Variants in IST1 observed in about 807,000 individuals in gnomAD.
IST1 encodes the protein IST1 homolog.
A neutral mutation model predicts 37.0 loss-of-function variants in IST1; 23 were observed. The observed-to-expected ratio is 0.62, with a 90% CI of 0.45 to 0.88. The LOEUF is 0.88. IST1 is among the 40% of genes least tolerant of loss of function. The pLI, the probability that IST1 is intolerant of heterozygous loss-of-function variation, is 0.00. For synonymous variants in IST1, 180 were observed against 161.7 expected (o/e 1.11, Z -0.86); for missense variants, 488 against 445.4 (o/e 1.10, Z -0.86).
In IST1 at chr16:71,922,619, C is replaced by G. The variant is rs774343604; in HGVS notation, c.698C>G (p.Pro233Arg). 1.1e-5 allele frequency: 18 copies of G among 1,612,440 alleles called. No homozygotes were observed. Among genetic ancestry groups the G allele is most frequent in the East Asian group, 4.5e-5 (2 of 44,858 alleles). The stretch of plus-strand genomic sequence containing the variant: ...GATGGAACGGTGCCAATGCCCATGC[C>G]CATGCCCATGCCTATGCCATCTGCA... ...GPDGTVPMPM[P>R]MPMPMPSANT... The change falls in exon 7 of 10, where the codon CCC becomes CGC. Residue 233 changes from proline (P) to arginine (R), a missense_variant. Pro to Arg is a moderately radical substitution (Grantham distance 103, BLOSUM62 -2). Transcript: ENST00000378799.
At chr16:71,917,315 T>G (rs1369348161) in intron 4 of IST1, among the ~76,000 whole-genome samples, 181 bp downstream of exon 4, 3 of 151,178 alleles carry the variant, frequency 2.0e-5, no homozygotes, top group African/African-American at 7.3e-5. Flanking sequence ...GAACAGTGTT[T>G]TGCAAACTTG....
At chr16:71,908,978 C>T (rs2037290422) in intron 1 of IST1, among the ~76,000 whole-genome samples, 1 of 152,076 alleles carries the variant, frequency 6.6e-6, no homozygotes. Context: ...ACCTAGAACC[C>T]TGTTCCTTAC....
At chr16:71,911,358 T>TA (rs61090211) in intron 1 of IST1, among the ~76,000 whole-genome samples, 119,062 of 151,582 alleles carry the variant, frequency 0.79, 47,044 homozygotes, top group East Asian at 0.97. Context: ...TACCTTTTTT[T>TA]AAAAAAAACT....
chr16:71,916,325 A>G, intron 2 of IST1, 137 bp from the exon 3 acceptor site: 1 of 750,016 alleles, frequency 1.3e-6, no homozygotes, highest in East Asian at 2.7e-5. Flanking sequence ...AGTAGAGGGG[A>G]TGGGATTAGA....
At chr16:71,922,448 G>T in intron 6 of IST1, 26 bp from the exon 7 acceptor site, 3 of 1,601,960 alleles carry the variant, frequency 1.9e-6, no homozygotes, top group South Asian at 1.1e-5. Flanking sequence ...ATGGGTTAAT[G>T]ACCTGGGTTT....
intron 1 of IST1, among the ~76,000 whole-genome samples, chr16:71,912,728 C>G (rs1342954553): frequency 6.6e-6 from 1 of 152,190 alleles, no homozygotes; most frequent in Non-Finnish European, 1.5e-5. Flanking sequence ...TCTTTCAAAA[C>G]TGAAACTCTG....
intron 4 of IST1, 71 bp downstream of exon 4, chr16:71,917,205 C>T: frequency 1.1e-6 from 1 of 892,038 alleles, no homozygotes; most frequent in Admixed American, 2.3e-5. Context: ...ATATAAGTTA[C>T]TTCTGCTGAT....
intron 4 of IST1, 22 bp from the exon 5 acceptor site, chr16:71,920,717 T>C: frequency 1.3e-6 from 2 of 1,583,190 alleles, no homozygotes; most frequent in Middle Eastern, 1.7e-4. Context: ...CTATTTTTAT[T>C]TGCTGTCCTT....
At chr16:71,895,268 GC>G (rs2036938303), upstream of IST1, 1 of 156,710 alleles carries the variant, frequency 6.4e-6, no homozygotes, top group Admixed American at 6.5e-5. Context: ...GCCTCCCCGC[GC>G]CCAGAGCGAA....
intron 4 of IST1, among the ~76,000 whole-genome samples, chr16:71,919,552 A>G (rs1251088304): frequency 6.6e-6 from 1 of 152,168 alleles, no homozygotes; most frequent in Admixed American, 6.5e-5. Flanking sequence ...ATGCCCAGCT[A>G]ATTTTTGTAT....
intron 1 of IST1, among the ~76,000 whole-genome samples, chr16:71,912,184 T>C (rs1265541214): frequency 6.6e-6 from 1 of 152,162 alleles, no homozygotes; most frequent in African/African-American, 2.4e-5. Flanking sequence ...TAGGTAATTT[T>C]TCCATACAAA....
intron 8 of IST1, chr16:71,924,024 C>T (rs2037676242): frequency 2.3e-6 from 1 of 429,186 alleles, no homozygotes; most frequent in South Asian, 1.7e-5. Context: ...ATGTAAATTA[C>T]TCATCTAGGA....
rs1228304030 is a variant in IST1 at position 71,928,765 on chromosome 16, G to C, written c.*952G>C. The C allele has an allele frequency of 1.3e-5, 2 of 152,268 alleles. No individual in the cohort carries two copies. The highest frequency in any genetic ancestry group is 2.9e-5 in the Non-Finnish European group (2 of 68,034). 9.4% of individuals were successfully genotyped at this position (152,268 alleles called of 1,614,324 possible). ...CAGAAAAATTTTTGGTGCCCATGCA[G>C]CTGTAGTTGTTCACTGCTTTCCTGG... On this transcript the variant is annotated 3_prime_UTR_variant, in exon 10 of 10. Transcript: ENST00000378799.
chr16:71,921,209 A>C (rs951554875), intron 5 of IST1, 134 bp from the exon 6 acceptor site: 14 of 636,504 alleles, frequency 2.2e-5, no homozygotes, highest in Non-Finnish European at 3.9e-5. Flanking sequence ...TCTGAAAAAA[A>C]TCATTTAACT....
chr16:71,910,420 C>G (rs530815981), intron 1 of IST1, among the ~76,000 whole-genome samples: 74 of 152,068 alleles, frequency 4.9e-4, no homozygotes, highest in Non-Finnish European at 9.4e-4. Flanking sequence ...TCCTGGCTAA[C>G]ACGGTGAAAC....
At chr16:71,894,764 G>T (rs868635428), upstream of IST1, 3 of 1,113,036 alleles carry the variant, frequency 2.7e-6, no homozygotes, top group Non-Finnish European at 3.9e-6. Context: ...TGCAACTCCC[G>T]GGCTCAAGCG....
chr16:71,898,671 A>C (rs1323800689), intron 1 of IST1, among the ~76,000 whole-genome samples: 2 of 150,832 alleles, frequency 1.3e-5, no homozygotes, highest in African/African-American at 2.4e-5. Context: ...TTAAAAAAAA[A>C]AAAAAAACAA....
rs556524213 is a variant in IST1 at position 71,906,128 on chromosome 16, C to T, written c.-15-9498C>T. 3.4e-4 allele frequency among the ~76,000 whole-genome samples: 51 copies of T among 150,818 alleles called. No individual in the cohort carries two copies. The East Asian group carries it at 8.0e-3, about 24-fold the overall frequency. ...AACCAATTCTCCTGCCTCAGCCTCCCGAGTAGCTGAGACTACAGGCGAGTG... is the reference window on the plus strand; with the variant it reads ...AACCAATTCTCCTGCCTCAGCCTCCTGAGTAGCTGAGACTACAGGCGAGTG... On this transcript the variant is annotated intron_variant, in intron 1 of 9. Transcript: ENST00000378799.
intron 1 of IST1, among the ~76,000 whole-genome samples, chr16:71,896,319 A>C (rs1038308063): frequency 1.3e-5 from 2 of 152,028 alleles, no homozygotes; most frequent in African/African-American, 2.4e-5. Context: ...GCTGTAGGTT[A>C]ATTACAAAAG....
Sources: gnomAD v4.1 joint callset for allele counts (sites outside exome capture counted in the v4.1 genomes callset) on GRCh38, gnomAD v4.1.1 for gene constraint, MANE v1.5 for transcripts, NCBI Gene and HGNC (gene_info 2026-07-23, HGNC 2026-07-21) for gene names.